Variants in ACP4 observed in about 807,000 individuals in gnomAD.
ACP4 encodes acid phosphatase 4.
A neutral mutation model predicts 47.3 loss-of-function variants in ACP4; 49 were observed. That is an observed-to-expected ratio of 1.04 (90% confidence interval 0.82 to 1.32). ACP4 has a LOEUF of 1.32. Ranked by LOEUF, ACP4 falls within the 40% of genes most tolerant of loss-of-function variation. The pLI, the probability that ACP4 is intolerant of heterozygous loss-of-function variation, is 0.00. For synonymous variants in ACP4, 299 were observed against 265.3 expected, an observed-to-expected ratio of 1.13 and a Z score of -1.23; for missense variants, 594 against 579.3, an observed-to-expected ratio of 1.03 and a Z score of -0.26.
In ACP4 at chr19:50,790,428, G is replaced by A; in HGVS notation, c.14G>A (p.Gly5Glu). The change falls in exon 1 of 11, where the codon GGG (glycine) becomes GAG (glutamate). Residue 5 changes from glycine (G) to glutamate (E), a missense_variant. Transcript: ENST00000270593. ...GGCTGGGTGGAAATGGCCGGCCTGG[G>A]GTTTTGGGGCCACCCTGCTGGACCT... MAGL[G>E]FWGHPAGPLL... 1.3e-6 allele frequency: 2 copies of A among 1,588,846 alleles called. No homozygotes were observed. Among genetic ancestry groups the A allele is most frequent in the South Asian group, 1.1e-5 (1 of 87,874 alleles).
rs144745203 is a variant in ACP4, at chr19:50,792,234, G to A, written c.550-8G>A. The stretch of plus-strand genomic sequence containing the variant: ...TGGGCCTGGGCTCACCCAGCCCCGC[G>A]CATCCAGGGCTTCCTGAGTCGCCTG... On this transcript the variant is annotated splice_polypyrimidine_tract_variant and splice_region_variant and intron_variant, in intron 5 of 10. Coordinates refer to ENST00000270593, the MANE Select transcript of ACP4 (RefSeq NM_033068.3). 1.5e-3 allele frequency: 2,349 copies of A among 1,612,844 alleles called. 4 individuals carry two copies. Among genetic ancestry groups the A allele is most frequent in the Non-Finnish European group, 1.8e-3 (2,160 of 1,179,878 alleles).
chr19:50,791,786 C>T lies in ACP4; in HGVS notation c.434C>T (p.Pro145Leu). 6.2e-7 allele frequency: 1 copy of T among 1,608,712 alleles called. No individual in the cohort carries two copies. Among genetic ancestry groups the T allele is most frequent in the Non-Finnish European group, 8.5e-7 (1 of 1,178,020 alleles). Residue 145 changes from proline to leucine, a missense_variant, in exon 4 of 11, where the codon CCC (proline) becomes CTC (leucine). Transcript: ENST00000270593. ...AGGCCGATCCCGGTGCACACGGTGC[C>T]CGTGGCTGAGGATAAGGTCAGGGGG... Reference protein sequence around the residue: ...RWRPIPVHTVPVAEDKLLRFP... With the variant: ...RWRPIPVHTVLVAEDKLLRFP...
intron 9 of ACP4, 28 bp downstream of exon 9, chr19:50,794,609 T>A (rs1237256481): frequency 1.9e-6 from 3 of 1,613,850 alleles, no homozygotes. Context: ...CCCAGGGACA[T>A]GGGTGGGACA....
intron 6 of ACP4, chr19:50,793,353 T>TAAA: frequency 4.3e-6 from 1 of 234,304 alleles, no homozygotes; most frequent in Non-Finnish European, 8.2e-6. Context: ...CTACTAAAAA[T>TAAA]AAAAAAAAAA....
Position 50,790,472 on chromosome 19 carries a change from C to G in ACP4, c.58C>G (p.Leu20Val), listed in dbSNP as rs1416355711. ...TGGACCTCTCCTGCTGCTGCTGCTG[C>G]TGGTGCTGCCACCCCGGGCCCTGCC... ...PAGPLLLLLL[L>V]VLPPRALPEG... The change falls in exon 1 of 11, where the codon CTG becomes GTG. Residue 20 changes from leucine to valine, a missense_variant. Transcript: ENST00000270593. The G allele has an allele frequency of 1.5e-5, 24 of 1,567,228 alleles. No individual in the cohort carries two copies. The highest frequency in any genetic ancestry group is 5.6e-5 in the Admixed American group (3 of 53,250).
intron 4 of ACP4, 85 bp downstream of exon 4, chr19:50,791,887 C>T (rs541445842): frequency 2.1e-4 from 319 of 1,498,266 alleles, no homozygotes; most frequent in South Asian, 9.1e-4. Context: ...GAGCTGGCTC[C>T]GAGAAGCAAG....
chr19:50,793,888 G>T lies in ACP4; in HGVS notation c.779G>T (p.Gly260Val). The change falls in exon 8 of 11, where the codon GGG becomes GTG. Residue 260 changes from glycine (G) to valine (V), a missense_variant and splice_region_variant. Gly to Val is a moderately radical substitution (Grantham distance 109, BLOSUM62 -3). Coordinates refer to ENST00000270593, the MANE Select transcript of ACP4 (RefSeq NM_033068.3). ...RAAEKAQLTG[G>V]ILLNAILANF... is the part of the protein sequence containing the mutation. ...CTAAGCTCTTTTTTCCCATCCTCAG[G>T]GATCCTGCTGAATGCTATCCTTGCA... 2 of 1,614,134 alleles carry T rather than the reference G, an allele frequency of 1.2e-6. No homozygotes were observed. The highest frequency in any genetic ancestry group is 1.7e-6 in the Non-Finnish European group (2 of 1,180,038).
intron 8 of ACP4, among the ~76,000 whole-genome samples, 175 bp downstream of exon 8, chr19:50,794,145 C>T (rs879137857): frequency 4.6e-5 from 7 of 152,140 alleles, no homozygotes; most frequent in Admixed American, 2.0e-4. Flanking sequence ...AGGGAGGTGA[C>T]GGTGTTATGG....
In ACP4 at chr19:50,795,167, C is replaced by A. The variant is rs1456318400; in HGVS notation, c.*9C>A. 1 of 1,531,636 alleles carries A rather than the reference C, an allele frequency of 6.5e-7. No individual in the cohort carries two copies. The highest frequency in any genetic ancestry group is 8.8e-7 in the Non-Finnish European group (1 of 1,142,398). The allele number at this position is 1,531,636 out of a possible 1,614,324, so 94.9% of individuals were successfully genotyped here. A position where few individuals can be genotyped will look rare whatever the true frequency, so the allele number is the denominator to read the frequency against. On this transcript the variant is annotated 3_prime_UTR_variant, in exon 11 of 11. Coordinates refer to ENST00000270593, the MANE Select transcript of ACP4 (RefSeq NM_033068.3). Reference sequence around the variant, plus strand: ...TGGGGGGCCCCGTGTGAGCCAGAAACCAGGGCTTCCCTACCCCCAGCTGAC... The same window carrying A: ...TGGGGGGCCCCGTGTGAGCCAGAAAACAGGGCTTCCCTACCCCCAGCTGAC...
rs2089549250 is a variant in ACP4 at position 50,795,175 on chromosome 19, T to C, written c.*17T>C. The stretch of plus-strand genomic sequence containing the variant: ...CCCGTGTGAGCCAGAAACCAGGGCT[T>C]CCCTACCCCCAGCTGACACTGGACC... On this transcript the variant is annotated 3_prime_UTR_variant, in exon 11 of 11. Transcript: ENST00000270593. 6.6e-7 allele frequency: 1 copy of C among 1,526,310 alleles called. No homozygotes were observed. The highest frequency in any genetic ancestry group is 2.5e-5 in the East Asian group (1 of 40,772). The allele number at this position is 1,526,310 out of a possible 1,614,324, so 94.5% of individuals were successfully genotyped here. A position where few individuals can be genotyped will look rare whatever the true frequency, so the allele number is the denominator to read the frequency against.
At chr19:50,791,971 T>C (rs769418453) in intron 4 of ACP4, 102 bp from the exon 5 acceptor site, 6 of 1,461,248 alleles carry the variant, frequency 4.1e-6, no homozygotes, top group Non-Finnish European at 4.6e-6. Context: ...TGGGAGAAAC[T>C]GCGACAAAGA....
chr19:50,792,507 G>A (rs1291395986), intron 6 of ACP4, 170 bp downstream of exon 6: 3 of 647,510 alleles, frequency 4.6e-6, no homozygotes, highest in Non-Finnish European at 8.0e-6. Flanking sequence ...CCAGGACGCT[G>A]TGAGGATTCA....
rs199619322 is a variant in ACP4, at chr19:50,794,420, A to C, written c.862-37A>C. ...TAGTGCTCAGGAGAAAGGCCTCCAG[A>C]GAGAAGTGCCGTCTCAGCCCTCGGG... On this transcript the variant is annotated intron_variant, in intron 8 of 10. Transcript: ENST00000270593. 1.2e-5 allele frequency: 20 copies of C among 1,610,914 alleles called. No individual in the cohort carries two copies. In the Middle Eastern group the frequency reaches 5.4e-4, roughly 44 times the overall value.
At position 50,790,826 on chromosome 19, in the gene ACP4, A is replaced by G; in HGVS notation, c.269A>G (p.Glu90Gly). Residue 90 changes from glutamate to glycine, a missense_variant, in exon 3 of 11, where the codon GAG (glutamate) becomes GGG (glycine). By Grantham distance (98) the Glu-to-Gly change is moderately conservative. Coordinates refer to ENST00000270593, the MANE Select transcript of ACP4 (RefSeq NM_033068.3). Reference sequence around the variant, plus strand: ...GGCCGCTTCCTGAGGAGCCGCTACGAGGCCTTCCTGAGTCCGGAGTACCGG... The same window carrying G: ...GGCCGCTTCCTGAGGAGCCGCTACGGGGCCTTCCTGAGTCCGGAGTACCGG... The part of the protein sequence containing the change: ...ELGRFLRSRY[E>G]AFLSPEYRRE... 6 of 1,548,874 alleles carry G rather than the reference A, an allele frequency of 3.9e-6. No homozygotes were observed. Among genetic ancestry groups the G allele is most frequent in the Non-Finnish European group, 4.4e-6 (5 of 1,146,768 alleles).
At position 50,790,773 on chromosome 19, in the gene ACP4, G is replaced by A; in HGVS notation, c.217-1G>A. 1 of 1,547,634 alleles carries A rather than the reference G, an allele frequency of 6.5e-7. No individual in the cohort carries two copies. The highest frequency in any genetic ancestry group is 8.7e-7 in the Non-Finnish European group (1 of 1,146,604). On this transcript the variant is annotated splice_acceptor_variant, in intron 2 of 10. Transcript: ENST00000270593. LOFTEE classifies it high-confidence loss of function. ...GTAGGCTGAGGCTGTTCTGTCCCCAGGAGGGGGTCCGCCAGCAGCTGGAGC... is the reference window on the plus strand; with the variant it reads ...GTAGGCTGAGGCTGTTCTGTCCCCAAGAGGGGGTCCGCCAGCAGCTGGAGC...
chr19:50,790,466 C>T lies in ACP4; in HGVS notation c.52C>T (p.Leu18=). 1 of 1,576,958 alleles carries T rather than the reference C, an allele frequency of 6.3e-7. No homozygotes were observed. Among genetic ancestry groups the T allele is most frequent in the Non-Finnish European group, 8.6e-7 (1 of 1,164,500 alleles). The change falls in exon 1 of 11, where the codon CTG becomes TTG. Residue 18 remains leucine (L), a synonymous_variant. Transcript: ENST00000270593. ...GHPAGPLLLL[L]LLVLPPRALP... is the part of the protein sequence containing the mutation. ...CCCTGCTGGACCTCTCCTGCTGCTG[C>T]TGCTGCTGGTGCTGCCACCCCGGGC... is the stretch of plus-strand genomic sequence containing the variant.
chr19:50,790,695 C>T lies in ACP4; in HGVS notation c.213C>T (p.Thr71=), dbSNP rs751016812. 5.8e-6 allele frequency: 9 copies of T among 1,543,286 alleles called. 1 individual carries two copies. In the South Asian group the frequency reaches 8.3e-5, roughly 14 times the overall value. The change falls in exon 2 of 11, where the codon ACC becomes ACT. Residue 71 remains threonine (T), a synonymous_variant. Transcript: ENST00000270593. ...TLWPRGLGQL[T]TEGVRQQLEL... is the part of the protein sequence containing the mutation. ...GGCCACGAGGCCTGGGCCAGCTGAC[C>T]ACGGTGAGAAGCGGGTAGGCGGTGA...
chr19:50,792,609 C>T (rs765334252), intron 6 of ACP4: 1 of 415,282 alleles, frequency 2.4e-6, no homozygotes, highest in Non-Finnish European at 4.3e-6. Flanking sequence ...GGCAACTCCT[C>T]CCCACAGTCC....
At position 50,793,579 on chromosome 19, in the gene ACP4, T is replaced by A; in HGVS notation, c.646-105T>A. On this transcript the variant is annotated intron_variant, in intron 6 of 10. Transcript: ENST00000270593. ...TCATGATTTCCCAGCCAGATCCAGA[T>A]CCGGCCCATGGGGGGACTCAGAAGA... The A allele has an allele frequency of 1.2e-5, 18 of 1,483,292 alleles. No individual in the cohort carries two copies. In the South Asian group the frequency reaches 2.2e-4, roughly 18 times the overall value. The allele number at this position is 1,483,292 out of a possible 1,614,324, so 91.9% of individuals were successfully genotyped here. A position where few individuals can be genotyped will look rare whatever the true frequency, so the allele number is the denominator to read the frequency against.
Sources: allele counts gnomAD v4.1 joint callset (sites outside exome capture counted in the v4.1 genomes callset), GRCh38; gene constraint gnomAD v4.1.1; transcripts MANE v1.5; gene names NCBI Gene and HGNC (gene_info 2026-07-23, HGNC 2026-07-21).